KRABD3: variants seen among roughly 807,000 people sequenced by gnomAD.
KRABD3 encodes the protein KRAB domain containing 3.
At chr7:149,728,896 C>T in the KRABD3 span, among the ~76,000 whole-genome samples, 1 of 152,238 alleles carries the variant, frequency 6.6e-6, no homozygotes, top group Non-Finnish European at 1.5e-5. Context: ...ACCATCCCAG[C>T]TGGAGCTGGC....
chr7:149,722,633 G>T, the KRABD3 span: 2 of 1,500,290 alleles, frequency 1.3e-6, no homozygotes, highest in Admixed American at 1.9e-5. Flanking sequence ...CTGCTCCGCC[G>T]CCTGGGCCTG....
At chr7:149,734,043 A>G in the KRABD3 span, 4 of 1,600,790 alleles carry the variant, frequency 2.5e-6, no homozygotes, top group African/African-American at 4.0e-5. Context: ...TGGGGGGCGC[A>G]TTGATGGCAT....
At chr7:149,718,193 G>A in the KRABD3 span, among the ~76,000 whole-genome samples, 2 of 152,144 alleles carry the variant, frequency 1.3e-5, no homozygotes, top group East Asian at 3.9e-4. Flanking sequence ...AACCACTTGA[G>A]CCCAGGAGTT....
chr7:149,732,416 A>G, the KRABD3 span, among the ~76,000 whole-genome samples: 1 of 152,154 alleles, frequency 6.6e-6, no homozygotes, highest in Admixed American at 6.5e-5. The surrounding 1 kb of genome is among the most constrained non-coding windows in gnomAD (Gnocchi z 4.0). Context: ...TCCTCGGTTT[A>G]AAGCCCTGGA....
At chr7:149,722,789 C>A in the KRABD3 span, 1 of 1,600,748 alleles carries the variant, frequency 6.2e-7, no homozygotes, top group Admixed American at 1.7e-5. Flanking sequence ...ACAGGAATTT[C>A]TCCTGGGAAC....
the KRABD3 span, chr7:149,734,000 GA>G: frequency 6.2e-7 from 1 of 1,611,208 alleles, no homozygotes; most frequent in Non-Finnish European, 8.5e-7. Flanking sequence ...CCTCCAGGAA[GA>G]ACTGTGGGGT....
chr7:149,724,037 G>C, the KRABD3 span: 3 of 821,948 alleles, frequency 3.6e-6, 1 homozygote, highest in East Asian at 5.3e-5. Flanking sequence ...GATCCCCACT[G>C]TGTAAGTGGA....
the KRABD3 span, chr7:149,721,011 G>A: frequency 6.2e-7 from 1 of 1,611,970 alleles, no homozygotes; most frequent in East Asian, 2.2e-5. Flanking sequence ...CAGTGGGGCA[G>A]TGCACGCAGC....
At chr7:149,722,490 C>T in the KRABD3 span, 1 of 1,578,886 alleles carries the variant, frequency 6.3e-7, no homozygotes. Flanking sequence ...GCCCAGCCCT[C>T]CCACCCATAG....
the KRABD3 span, chr7:149,725,854 T>A: frequency 6.7e-7 from 1 of 1,499,310 alleles, no homozygotes; most frequent in Non-Finnish European, 8.9e-7. Context: ...CCAGTGAGCC[T>A]CCTGGTGACC....
the KRABD3 span, chr7:149,723,971 C>T: frequency 1.6e-6 from 2 of 1,284,282 alleles, no homozygotes; most frequent in African/African-American, 1.5e-5. Flanking sequence ...GTGGCCCCCA[C>T]CACAAACACT....
chr7:149,725,372 C>T, the KRABD3 span: 9 of 1,607,472 alleles, frequency 5.6e-6, 1 homozygote, highest in Admixed American at 1.0e-4. Flanking sequence ...AAGGGCATTC[C>T]CCCAAATGGG....
chr7:149,730,752 G>T, the KRABD3 span: 4 of 746,918 alleles, frequency 5.4e-6, no homozygotes, highest in Non-Finnish European at 8.5e-6. Flanking sequence ...GCTGCTGGGG[G>T]TGCTGGTGAG....
chr7:149,725,417 C>T, the KRABD3 span: 4 of 1,611,886 alleles, frequency 2.5e-6, no homozygotes, highest in South Asian at 4.4e-5. Context: ...ACTTCTTGTT[C>T]CCAGAACCCC....
the KRABD3 span, among the ~76,000 whole-genome samples, chr7:149,716,412 G>A: frequency 2.6e-5 from 4 of 152,348 alleles, no homozygotes; most frequent in South Asian, 8.3e-4. Flanking sequence ...GAGGAAGGCC[G>A]GTGGTGTGTG....
chr7:149,721,645 C>G, the KRABD3 span: 2 of 1,198,018 alleles, frequency 1.7e-6, no homozygotes, highest in Non-Finnish European at 2.4e-6. Flanking sequence ...GGACTCAGTT[C>G]CCCTGTTGTG....
chr7:149,724,815 G>T, the KRABD3 span: 22 of 1,595,576 alleles, frequency 1.4e-5, no homozygotes, highest in Non-Finnish European at 1.6e-5. Flanking sequence ...ACACCAGAGG[G>T]GTCCCCCAAC....
the KRABD3 span, chr7:149,733,890 C>G: frequency 6.3e-7 from 1 of 1,591,566 alleles, no homozygotes. Context: ...CCTCCTGCAG[C>G]CAGTGCAGAT....
chr7:149,721,464 C>A, the KRABD3 span: 2 of 1,613,150 alleles, frequency 1.2e-6, no homozygotes, highest in Admixed American at 1.7e-5. Context: ...CACCTGGCCA[C>A]CACGCCCACC....
Sources: gnomAD v4.1 joint callset for allele counts (sites outside exome capture counted in the v4.1 genomes callset) on GRCh38, gnomAD v4.1.1 for gene constraint, Gnocchi (gnomAD v3.1) non-coding constraint, MANE v1.5 for transcripts, NCBI Gene and HGNC (gene_info 2026-07-23, HGNC 2026-07-21) for gene names.